The following MTIF2 variants were observed in gnomAD, a reference collection of about 807,000 sequenced individuals.
MTIF2 encodes the protein mitochondrial translational initiation factor 2, also known as translation initiation factor IF-2, mitochondrial.
MTIF2 carries 71 observed loss-of-function variants against 83.5 expected under a neutral mutation model. That is an observed-to-expected ratio of 0.85 (90% CI 0.70 to 1.04). MTIF2 has a LOEUF of 1.04. MTIF2 is among the 50% of genes least tolerant of loss of function. MTIF2 has a pLI of 0.00. For missense variants in MTIF2, 957 were observed against 846.5 expected (o/e 1.13, Z -1.62); for synonymous variants, 319 against 287.1 (o/e 1.11, Z -1.12).
intron 4 of MTIF2, 123 bp from the exon 5 acceptor site, chr2:55,262,550 T>C (rs1678101111): frequency 1.6e-6 from 1 of 631,138 alleles, no homozygotes; most frequent in African/African-American, 2.0e-5. Context: ...TCTTTTTTTT[T>C]TTTTTTTTTT....
chr2:55,254,283 G>T, intron 6 of MTIF2, 82 bp from the exon 7 acceptor site: 1 of 1,451,754 alleles, frequency 6.9e-7, no homozygotes, highest in South Asian at 1.3e-5. Context: ...ATTTATCCCT[G>T]TGAACTACCA....
intron 4 of MTIF2, 94 bp downstream of exon 4, chr2:55,263,546 G>T: frequency 1.1e-6 from 1 of 922,948 alleles, no homozygotes; most frequent in Non-Finnish European, 1.6e-6. Flanking sequence ...AGAGGCGTAG[G>T]TTGCGGTGAG....
At chr2:55,239,944 G>A (rs1219823223) in intron 14 of MTIF2, 67 bp downstream of exon 14, 3 of 1,379,854 alleles carry the variant, frequency 2.2e-6, no homozygotes, top group Middle Eastern at 5.3e-4. Context: ...TCTAAGCTTT[G>A]CTTTGAAGTG....
At chr2:55,238,522 G>T (rs1318539667) in intron 14 of MTIF2, among the ~76,000 whole-genome samples, 1 of 151,450 alleles carries the variant, frequency 6.6e-6, no homozygotes, top group East Asian at 1.9e-4. Flanking sequence ...CTCCCAAGTA[G>T]CTGGGATTAC....
chr2:55,239,601 G>T (rs1417071207), intron 14 of MTIF2, among the ~76,000 whole-genome samples: 1 of 152,076 alleles, frequency 6.6e-6, no homozygotes, highest in Non-Finnish European at 1.5e-5. Flanking sequence ...ATATATGCTA[G>T]AAACAATATT....
chr2:55,256,933 G>A (rs1339048475), intron 5 of MTIF2, among the ~76,000 whole-genome samples: 1 of 152,062 alleles, frequency 6.6e-6, no homozygotes, highest in African/African-American at 2.4e-5. Flanking sequence ...TCCTGGTCGA[G>A]CAATTCTCCC....
chr2:55,268,125 C>A (rs1253863268), intron 2 of MTIF2, among the ~76,000 whole-genome samples: 1 of 151,864 alleles, frequency 6.6e-6, no homozygotes, highest in African/African-American at 2.4e-5. Context: ...CGGTGGCGGG[C>A]GCCTGTAATC....
At chr2:55,248,328 T>G (rs1226429322) in intron 9 of MTIF2, among the ~76,000 whole-genome samples, 1 of 152,202 alleles carries the variant, frequency 6.6e-6, no homozygotes, top group Non-Finnish European at 1.5e-5. Flanking sequence ...TTACTATTAA[T>G]GGACGCATAA....
At chr2:55,244,818 A>T (rs1676578688) in intron 10 of MTIF2, among the ~76,000 whole-genome samples, 1 of 151,942 alleles carries the variant, frequency 6.6e-6, no homozygotes, top group South Asian at 2.1e-4. Flanking sequence ...AGGCCGAGGC[A>T]GGTAGATCAC....
Position 55,246,463 on chromosome 2 carries a change from T to C in MTIF2, c.982-2A>G, listed in dbSNP as rs1348865807. On this transcript the variant is annotated splice_acceptor_variant, in intron 9 of 15. Coordinates refer to ENST00000263629, the MANE Select transcript of MTIF2 (RefSeq NM_002453.3). LOFTEE classifies it high-confidence loss of function. The stretch of plus-strand genomic sequence containing the variant: ...TGCCAAAGCCATCAGATTATCGCCC[T>C]TTAACAATAACAAACGTTGTTAATA... The C allele has an allele frequency of 6.2e-7, 1 of 1,612,588 alleles. No homozygotes were observed.
In MTIF2 at chr2:55,258,811, C is replaced by CAA. The variant is rs368542489; in HGVS notation, c.331+3503_331+3504dup. Among the ~76,000 whole-genome samples, 443 of 67,068 alleles carry CAA rather than the reference C, an allele frequency of 6.6e-3. 6 individuals carry two copies. Among genetic ancestry groups the CAA allele is most frequent in the East Asian group, 0.05 (133 of 2,642 alleles). The allele number at this position is 67,068 out of a possible 152,430, so 44.0% of individuals were successfully genotyped here. ...TAGGTGACAGAGCAAGCCTCTGTCT[C>CAA]AAAAAAAAAAAAAAAAAAAAAATTA... is the stretch of plus-strand genomic sequence containing the variant. On this transcript the variant is annotated intron_variant, in intron 5 of 15. Coordinates refer to ENST00000263629, the MANE Select transcript of MTIF2 (RefSeq NM_002453.3).
At position 55,249,448 on chromosome 2, in the gene MTIF2, C is replaced by A; in HGVS notation, c.928G>T (p.Val310Leu). 6.2e-7 allele frequency: 1 copy of A among 1,614,170 alleles called. No homozygotes were observed. Among genetic ancestry groups the A allele is most frequent in the South Asian group, 1.1e-5 (1 of 91,084 alleles). ...ACATCACCTCCATAATCTTCACATA[C>A]CACATCGTAAGCCAGCAGCTCTTTT... is the stretch of plus-strand genomic sequence containing the variant. Reference protein sequence around the residue: ...VKKELLAYDVVCEDYGGDVQA... With the variant: ...VKKELLAYDVLCEDYGGDVQA... The change falls in exon 9 of 16, where the codon GTA becomes TTA. Residue 310 changes from valine (V) to leucine (L), a missense_variant. Transcript: ENST00000263629.
intron 5 of MTIF2, among the ~76,000 whole-genome samples, chr2:55,257,980 C>G (rs1677672469): frequency 6.6e-6 from 1 of 152,142 alleles, no homozygotes; most frequent in African/African-American, 2.4e-5. Flanking sequence ...TTTGTAAAGA[C>G]AAGGCTTCAT....
At position 55,243,044 on chromosome 2, in the gene MTIF2, A is replaced by G; in HGVS notation, c.1601T>C (p.Ile534Thr). 1 of 1,611,344 alleles carries G rather than the reference A, an allele frequency of 6.2e-7. No homozygotes were observed. Among genetic ancestry groups the G allele is most frequent in the Non-Finnish European group, 8.5e-7 (1 of 1,179,318 alleles). The change falls in exon 13 of 16, where the codon ATT becomes ACT. Residue 534 changes from isoleucine (I) to threonine (T), a missense_variant. This residue lies in a region of MTIF2 where 733 missense variants were observed against 648.7 expected (regional missense o/e 1.13). Coordinates refer to ENST00000263629, the MANE Select transcript of MTIF2 (RefSeq NM_002453.3). ...VDGSVEAILN[I>T]IDTYDASHEC... The stretch of plus-strand genomic sequence containing the variant: ...GTGTGAAGCATCATAGGTATCTATA[A>G]TGTTCAAAATGGCCTCAACAGAACC...
intron 5 of MTIF2, among the ~76,000 whole-genome samples, chr2:55,258,802 C>G (rs993026327): frequency 1.4e-5 from 2 of 143,008 alleles, no homozygotes; most frequent in Non-Finnish European, 3.0e-5. Context: ...ACAGAGCAAG[C>G]CTCTGTCTCA....
chr2:55,248,882 T>C (rs1676889331), intron 9 of MTIF2, among the ~76,000 whole-genome samples: 1 of 152,186 alleles, frequency 6.6e-6, no homozygotes, highest in South Asian at 2.1e-4. Flanking sequence ...ACACTTGTAA[T>C]CTCGGTGCTT....
At chr2:55,244,627 G>A (rs1676561605) in intron 10 of MTIF2, among the ~76,000 whole-genome samples, 1 of 152,178 alleles carries the variant, frequency 6.6e-6, no homozygotes, top group Non-Finnish European at 1.5e-5. Context: ...TAAAAAGAAG[G>A]AAATTGGCCA....
At position 55,236,772 on chromosome 2, in the gene MTIF2, T is replaced by C. The variant is rs770724724; in HGVS notation, c.2060A>G (p.Lys687Arg). 9.3e-6 allele frequency: 15 copies of C among 1,610,054 alleles called. No homozygotes were observed. The highest frequency in any genetic ancestry group is 4.0e-5 in the African/African-American group (3 of 74,796). ...ACTGAGACCACAATCCATTCCCGTTTTGACAATTGAAATGTCATCTTTATG... is the reference window on the plus strand; with the variant it reads ...ACTGAGACCACAATCCATTCCCGTTCTGACAATTGAAATGTCATCTTTATG... ...KHHKDDISIV[K>R]TGMDCGLSLD... Residue 687 changes from lysine (K) to arginine (R), a missense_variant, in exon 16 of 16, where the codon AAA becomes AGA. Coordinates refer to ENST00000263629, the MANE Select transcript of MTIF2 (RefSeq NM_002453.3).
At chr2:55,262,497 C>G in intron 4 of MTIF2, 70 bp from the exon 5 acceptor site, 1 of 783,298 alleles carries the variant, frequency 1.3e-6, no homozygotes, top group Non-Finnish European at 2.1e-6. Flanking sequence ...GATTTATTCT[C>G]AAATATCTAC....
Sources: gnomAD v4.1 joint callset for allele counts (sites outside exome capture counted in the v4.1 genomes callset) on GRCh38, gnomAD v4.1.1 for gene constraint, gnomAD v4.1.1 regional missense constraint, MANE v1.5 for transcripts, NCBI Gene and HGNC (gene_info 2026-07-23, HGNC 2026-07-21) for gene names.